SYT2: variants seen among roughly 807,000 people sequenced by gnomAD.
SYT2 encodes the protein synaptotagmin 2.
A neutral mutation model predicts 39.9 loss-of-function variants in SYT2; 15 were observed. That is an observed-to-expected ratio of 0.38 (90% CI 0.25 to 0.58). SYT2 has a LOEUF of 0.58. SYT2 is among the 20% of genes least tolerant of loss of function. SYT2 has a pLI of 0.70. For synonymous variants in SYT2, 181 were observed against 204.5 expected (o/e 0.89, Z 0.98); for missense variants, 389 against 530.3 (o/e 0.73, Z 2.62).
Position 202,673,655 on chromosome 1 carries a change from G to A in SYT2, c.-18+36603C>T, listed in dbSNP as rs72750634. Among the ~76,000 whole-genome samples, 812 of 152,278 alleles carry A rather than the reference G, an allele frequency of 5.3e-3. 2 individuals are homozygous for A. Among genetic ancestry groups the A allele is most frequent in the African/African-American group, 0.014 (597 of 41,560 alleles). On this transcript the variant is annotated intron_variant, in intron 1 of 8. Coordinates refer to ENST00000367268, the MANE Select transcript of SYT2 (RefSeq NM_177402.5). ...GGGTGACCTCCAGGAAGACTTGCCC[G>A]CACACCCAGCTCCTTTCCTTGCCCT...
intron 1 of SYT2, among the ~76,000 whole-genome samples, chr1:202,684,496 A>G (rs747848478): frequency 1.3e-5 from 2 of 152,190 alleles, no homozygotes; most frequent in Non-Finnish European, 2.9e-5. Context: ...GCTAAATAAC[A>G]TTCCATCGTG....
intron 1 of SYT2, among the ~76,000 whole-genome samples, chr1:202,701,173 T>G (rs11809859): frequency 0.035 from 5,286 of 152,310 alleles, 323 homozygotes; most frequent in African/African-American, 0.12. Flanking sequence ...AAGCTTAAAT[T>G]TTATCATTGG....
intron 1 of SYT2, among the ~76,000 whole-genome samples, chr1:202,691,956 C>T (rs1008281508): frequency 6.6e-6 from 1 of 152,044 alleles, no homozygotes; most frequent in Non-Finnish European, 1.5e-5. Context: ...GTCTGGCACT[C>T]TATTCTCTCT....
At chr1:202,708,795 G>A (rs534252473) in intron 1 of SYT2, among the ~76,000 whole-genome samples, 1 of 152,210 alleles carries the variant, frequency 6.6e-6, no homozygotes, top group African/African-American at 2.4e-5. Flanking sequence ...ACTCGGGCCC[G>A]CCTTTGGGGC....
At chr1:202,700,522 G>A (rs1331623803) in intron 1 of SYT2, among the ~76,000 whole-genome samples, 1 of 152,152 alleles carries the variant, frequency 6.6e-6, no homozygotes, top group Admixed American at 6.5e-5. Flanking sequence ...AATTAAAACT[G>A]AGAAATTTCT....
At chr1:202,706,842 A>G (rs1049772460) in intron 1 of SYT2, among the ~76,000 whole-genome samples, 1 of 152,244 alleles carries the variant, frequency 6.6e-6, no homozygotes, top group Non-Finnish European at 1.5e-5. Flanking sequence ...CTGGTGGTCC[A>G]GGGGCTACTT....
intron 1 of SYT2, among the ~76,000 whole-genome samples, chr1:202,665,456 T>C (rs1238077436): frequency 2.0e-5 from 3 of 152,224 alleles, no homozygotes; most frequent in African/African-American, 7.2e-5. Flanking sequence ...CAGATGAATA[T>C]GTGATGCCTG....
chr1:202,604,057 A>G (rs1690614059), intron 3 of SYT2, among the ~76,000 whole-genome samples: 1 of 152,202 alleles, frequency 6.6e-6, no homozygotes, highest in Non-Finnish European at 1.5e-5. Context: ...CTTCCGCCTC[A>G]TTTGATTCCC....
chr1:202,683,949 CA>C (rs1446627407), intron 1 of SYT2, among the ~76,000 whole-genome samples: 1 of 151,902 alleles, frequency 6.6e-6, no homozygotes, highest in African/African-American at 2.4e-5. Context: ...TATATTCATC[CA>C]ACTATCAACA....
intron 6 of SYT2, among the ~76,000 whole-genome samples, chr1:202,600,702 C>T (rs751093350): frequency 1.2e-4 from 18 of 152,174 alleles, no homozygotes; most frequent in Non-Finnish European, 1.3e-4. Context: ...CCTCAGGAGC[C>T]GTGGGCTGAG....
intron 1 of SYT2, among the ~76,000 whole-genome samples, chr1:202,642,526 G>T (rs1232695282): frequency 6.6e-6 from 1 of 152,196 alleles, no homozygotes; most frequent in Non-Finnish European, 1.5e-5. Context: ...GTCTCTGCAA[G>T]CTTGCCAGGA....
chr1:202,706,530 A>G (rs1290445510), intron 1 of SYT2, among the ~76,000 whole-genome samples: 1 of 152,212 alleles, frequency 6.6e-6, no homozygotes, highest in African/African-American at 2.4e-5. Context: ...GCTCCATTCT[A>G]CAGATGGCAA....
At chr1:202,707,484 C>A (rs960691535) in intron 1 of SYT2, among the ~76,000 whole-genome samples, 1 of 152,168 alleles carries the variant, frequency 6.6e-6, no homozygotes, top group South Asian at 2.1e-4. Flanking sequence ...TCAGCTAGGA[C>A]CTGCCTAGAC....
chr1:202,642,842 G>T (rs1291822350), intron 1 of SYT2, among the ~76,000 whole-genome samples: 3 of 152,172 alleles, frequency 2.0e-5, no homozygotes, highest in African/African-American at 7.2e-5. Flanking sequence ...CCCACTTCAT[G>T]CACCTCCCCG....
chr1:202,706,433 C>T (rs895954220), intron 1 of SYT2, among the ~76,000 whole-genome samples: 2 of 152,106 alleles, frequency 1.3e-5, no homozygotes, highest in Non-Finnish European at 2.9e-5. Context: ...TTACTCCTCC[C>T]GCGCCAGGCA....
chr1:202,669,824 G>C (rs1312880564), intron 1 of SYT2, among the ~76,000 whole-genome samples: 1 of 151,664 alleles, frequency 6.6e-6, no homozygotes, highest in Non-Finnish European at 1.5e-5. Flanking sequence ...TAGTTGAGTA[G>C]AAAGACACGA....
At chr1:202,708,538 G>C (rs1345356925) in intron 1 of SYT2, among the ~76,000 whole-genome samples, 1 of 152,194 alleles carries the variant, frequency 6.6e-6, no homozygotes, top group East Asian at 1.9e-4. Flanking sequence ...CACCCTGAGG[G>C]AAAGGTGGTT....
At chr1:202,613,609 T>C (rs1032478298) in intron 1 of SYT2, among the ~76,000 whole-genome samples, 2 of 152,238 alleles carry the variant, frequency 1.3e-5, no homozygotes, top group African/African-American at 4.8e-5. Flanking sequence ...TCAATCTTTC[T>C]TCATTTAATA....
In SYT2 at chr1:202,623,550, A is replaced by T. The variant is rs1691259992; in HGVS notation, c.-17-17761T>A. 6.6e-6 allele frequency among the ~76,000 whole-genome samples: 1 copy of T among 152,214 alleles called. No individual in the cohort carries two copies. The highest frequency in any genetic ancestry group is 1.5e-5 in the Non-Finnish European group (1 of 68,030). On this transcript the variant is annotated intron_variant, in intron 1 of 8. Transcript: ENST00000367268. This position sits in a 1 kb window ranked among gnomAD's most constrained non-coding sequence, Gnocchi z 4.2. ...GTTGGGTGTCAAGATGCTTGGGAGC[A>T]GGCCGGGAAGGGTGGGCGACCCGGA...
Sources: allele counts gnomAD v4.1 joint callset (sites outside exome capture counted in the v4.1 genomes callset), GRCh38; gene constraint gnomAD v4.1.1; non-coding constraint Gnocchi (gnomAD v3.1); transcripts MANE v1.5; gene names NCBI Gene and HGNC (gene_info 2026-07-23, HGNC 2026-07-21).